SYT1: variants seen among roughly 807,000 people sequenced by gnomAD.
The protein encoded by SYT1 is synaptotagmin 1.
Under a neutral mutation model 44.8 loss-of-function variants are expected in SYT1, and 8 were observed. That is an observed-to-expected ratio of 0.18 (90% CI 0.10 to 0.32). SYT1 has a LOEUF of 0.32. SYT1 is among the 10% of genes least tolerant of loss of function. The probability of loss-of-function intolerance (pLI) is 1.00; values close to 1 mark genes in which losing one functional copy is unlikely to be tolerated. For synonymous variants in SYT1, 154 were observed against 188.8 expected, an observed-to-expected ratio of 0.82 and a Z score of 1.51; for missense variants, 286 against 509.3, an observed-to-expected ratio of 0.56 and a Z score of 4.22.
rs59721146 is a variant in SYT1, at chr12:79,445,990, C to CATATATATATAT, written c.1062+1817_1062+1828dup. Among the ~76,000 whole-genome samples the CATATATATATAT allele has an allele frequency of 8.6e-4, 38 of 44,152 alleles. 1 individual carries two copies. The highest frequency in any genetic ancestry group is 2.1e-3 in the South Asian group (2 of 940). 29.0% of individuals were successfully genotyped at this position (44,152 alleles called of 152,430 possible). ...CTTCATGGAAACATTAATCCAAAGA[C>CATATATATATAT]ATATATATATATATATATATATATA... On this transcript the variant is annotated intron_variant, in intron 10 of 10. Coordinates refer to ENST00000261205, the MANE Select transcript of SYT1 (RefSeq NM_005639.3).
intron 4 of SYT1, among the ~76,000 whole-genome samples, chr12:79,260,038 T>A (rs1158766772): frequency 1.3e-5 from 2 of 152,240 alleles, no homozygotes. Flanking sequence ...TATTTTATTT[T>A]GATCAATTTC....
At chr12:78,974,020 T>C (rs1390815575) in intron 1 of SYT1, among the ~76,000 whole-genome samples, 32 of 128,638 alleles carry the variant, frequency 2.5e-4, no homozygotes, top group African/African-American at 9.4e-4. Context: ...GGATATGTTG[T>C]GAGAAATGCA....
intron 9 of SYT1, among the ~76,000 whole-genome samples, chr12:79,397,796 C>T (rs1884928583): frequency 6.6e-6 from 1 of 152,202 alleles, no homozygotes; most frequent in African/African-American, 2.4e-5. Flanking sequence ...AAAAAGGAAG[C>T]ATCCTGATAG....
intron 2 of SYT1, among the ~76,000 whole-genome samples, chr12:79,029,515 G>A (rs1872717221): frequency 6.6e-6 from 1 of 150,994 alleles, no homozygotes; most frequent in Non-Finnish European, 1.5e-5. Flanking sequence ...CCAACCACAA[G>A]GATTCAGAAA....
intron 3 of SYT1, among the ~76,000 whole-genome samples, chr12:79,142,081 A>G (rs1411831657): frequency 6.6e-6 from 1 of 152,232 alleles, no homozygotes; most frequent in Non-Finnish European, 1.5e-5. Flanking sequence ...GGTTCCAAGC[A>G]TCATGCAGTA....
chr12:79,044,812 G>C (rs1304233151), intron 2 of SYT1, among the ~76,000 whole-genome samples: 1 of 150,124 alleles, frequency 6.7e-6, no homozygotes, highest in Non-Finnish European at 1.5e-5. Flanking sequence ...TTTTGGTGTG[G>C]ATGTCCTTTC....
intron 3 of SYT1, among the ~76,000 whole-genome samples, chr12:79,202,051 T>A (rs1362197326): frequency 6.6e-6 from 1 of 152,182 alleles, no homozygotes; most frequent in Non-Finnish European, 1.5e-5. Context: ...TAGCTCCATG[T>A]ATTGCTCTTG....
At chr12:79,158,762 TG>T (rs1233078511) in intron 3 of SYT1, among the ~76,000 whole-genome samples, 2 of 151,922 alleles carry the variant, frequency 1.3e-5, no homozygotes, top group Non-Finnish European at 2.9e-5. Flanking sequence ...CTGGCTGTAG[TG>T]GAGCACACCT....
intron 4 of SYT1, among the ~76,000 whole-genome samples, chr12:79,218,734 A>G (rs1874969067): frequency 2.0e-5 from 3 of 152,114 alleles, no homozygotes. Context: ...GGTATCTCTC[A>G]AGTGGATGTA....
chr12:78,977,037 G>A (rs1868890431), intron 1 of SYT1, among the ~76,000 whole-genome samples: 3 of 151,820 alleles, frequency 2.0e-5, no homozygotes, highest in South Asian at 4.2e-4. Context: ...GTAGATGAAT[G>A]CAATAGGGAG....
chr12:79,195,767 C>T (rs544432062), intron 3 of SYT1, among the ~76,000 whole-genome samples: 17 of 152,236 alleles, frequency 1.1e-4, no homozygotes, highest in African/African-American at 4.1e-4. Context: ...TCTTTGCAGT[C>T]TAACTTGGGA....
intron 3 of SYT1, among the ~76,000 whole-genome samples, chr12:79,142,216 C>T (rs1869602133): frequency 6.6e-6 from 1 of 152,224 alleles, no homozygotes; most frequent in African/African-American, 2.4e-5. Context: ...ACTCATATTA[C>T]AGCACACCTG....
chr12:79,376,885 A>G (rs935923380), intron 9 of SYT1, among the ~76,000 whole-genome samples: 1 of 152,236 alleles, frequency 6.6e-6, no homozygotes, highest in Non-Finnish European at 1.5e-5. Flanking sequence ...CCGATATCAC[A>G]TTATAAATTG....
chr12:79,415,929 T>G (rs1297236852), intron 9 of SYT1, among the ~76,000 whole-genome samples: 1 of 152,198 alleles, frequency 6.6e-6, no homozygotes, highest in Non-Finnish European at 1.5e-5. Flanking sequence ...CATTTGCAAC[T>G]AGGATCCAAG....
At chr12:79,263,063 G>C (rs565975587) in intron 4 of SYT1, among the ~76,000 whole-genome samples, 114 of 152,170 alleles carry the variant, frequency 7.5e-4, no homozygotes, top group Non-Finnish European at 1.3e-3. Flanking sequence ...GCAATGTCCA[G>C]AATGCATTCC....
At chr12:78,957,902 AC>A (rs1879293688) in intron 1 of SYT1, among the ~76,000 whole-genome samples, 1 of 152,166 alleles carries the variant, frequency 6.6e-6, no homozygotes, top group South Asian at 2.1e-4. Context: ...AAATCAGTTG[AC>A]CCAATCTGTA....
chr12:79,369,922 T>C (rs1033362473), intron 9 of SYT1, among the ~76,000 whole-genome samples: 1 of 152,246 alleles, frequency 6.6e-6, no homozygotes, highest in Non-Finnish European at 1.5e-5. Context: ...AAGAATGGAA[T>C]CTTTTTTATC....
intron 2 of SYT1, among the ~76,000 whole-genome samples, chr12:78,999,909 G>A (rs1042081134): frequency 6.6e-6 from 1 of 152,084 alleles, no homozygotes; most frequent in African/African-American, 2.4e-5. Context: ...CCAGGGTGCC[G>A]ATTATACAAC....
chr12:79,423,170 G>T (rs1242080682), intron 9 of SYT1, among the ~76,000 whole-genome samples: 1 of 152,106 alleles, frequency 6.6e-6, no homozygotes, highest in Non-Finnish European at 1.5e-5. Context: ...AGCATTGTAT[G>T]TGTGTGTGTC....
Sources: allele counts gnomAD v4.1 joint callset (sites outside exome capture counted in the v4.1 genomes callset), GRCh38; gene constraint gnomAD v4.1.1; transcripts MANE v1.5; gene names NCBI Gene and HGNC (gene_info 2026-07-23, HGNC 2026-07-21).